Variants in ERCC6L2 observed in about 807,000 individuals in gnomAD.
ERCC6L2 encodes ERCC excision repair 6 like 2.
Under a neutral mutation model 132.0 loss-of-function variants are expected in ERCC6L2, and 77 were observed. The observed-to-expected ratio is 0.58, with a 90% CI of 0.49 to 0.71. The LOEUF (loss-of-function observed/expected upper bound fraction) is 0.71. Among genes scored for constraint, ERCC6L2 ranks in the 30% least tolerant of loss-of-function variants. The probability of loss-of-function intolerance (pLI) is 0.00; values close to 1 mark genes in which losing one functional copy is unlikely to be tolerated. For synonymous variants in ERCC6L2, 583 were observed against 632.4 expected, an observed-to-expected ratio of 0.92 and a Z score of 1.17; for missense variants, 1,542 against 1,837.6, an observed-to-expected ratio of 0.84 and a Z score of 2.94.
intron 3 of ERCC6L2, among the ~76,000 whole-genome samples, chr9:95,903,761 G>A (rs1335597915): frequency 1.3e-5 from 2 of 151,942 alleles, no homozygotes; most frequent in African/African-American, 4.8e-5. Flanking sequence ...GTTTCACATG[G>A]GAAGAAGTGT....
chr9:95,925,227 C>G (rs567843946), intron 9 of ERCC6L2, among the ~76,000 whole-genome samples: 1 of 152,288 alleles, frequency 6.6e-6, no homozygotes, highest in African/African-American at 2.4e-5. Context: ...CCTCAACTAT[C>G]ATTCAAGGGG....
chr9:96,035,399 A>G (rs1327477758), intron 19 of ERCC6L2, among the ~76,000 whole-genome samples: 2 of 152,202 alleles, frequency 1.3e-5, no homozygotes, highest in Non-Finnish European at 2.9e-5. Flanking sequence ...GAGGGCCATG[A>G]AAGCCTGGTG....
downstream of ERCC6L2, among the ~76,000 whole-genome samples, chr9:96,022,382 C>T (rs1023787466): frequency 6.6e-6 from 1 of 152,168 alleles, no homozygotes; most frequent in Non-Finnish European, 1.5e-5. Flanking sequence ...GGTATGAAGC[C>T]CGTATTGTGT....
chr9:96,013,070 C>T lies in ERCC6L2; in HGVS notation c.4520C>T (p.Pro1507Leu), dbSNP rs747942781. Reference protein sequence around the residue: ...AVIETLCEKAPLAAPFKRREE... With the variant: ...AVIETLCEKALLAAPFKRREE... ...ATAGAGACTCTGTGTGAAAAAGCACCTCTAGCAGCACCCTTTAAAAGGAGA... is the reference window on the plus strand; with the variant it reads ...ATAGAGACTCTGTGTGAAAAAGCACTTCTAGCAGCACCCTTTAAAAGGAGA... The change falls in exon 19 of 19, where the codon CCT becomes CTT. Residue 1507 changes from proline (P) to leucine (L), a missense_variant. Transcript: ENST00000653738. The T allele has an allele frequency of 2.2e-6, 3 of 1,367,508 alleles. No homozygotes were observed. The highest frequency in any genetic ancestry group is 1.9e-5 in the Admixed American group (1 of 52,562). The allele number at this position is 1,367,508 out of a possible 1,614,324, so 84.7% of individuals were successfully genotyped here. A position where few individuals can be genotyped will look rare whatever the true frequency, so the allele number is the denominator to read the frequency against.
At chr9:96,024,842 A>T (rs1328276040) in intron 19 of ERCC6L2, among the ~76,000 whole-genome samples, 1 of 152,144 alleles carries the variant, frequency 6.6e-6, no homozygotes, top group East Asian at 1.9e-4. Context: ...CCTATATTTG[A>T]GACTCCTAAC....
downstream of ERCC6L2, among the ~76,000 whole-genome samples, chr9:96,018,667 G>T (rs911214639): frequency 6.7e-6 from 1 of 148,726 alleles, no homozygotes; most frequent in Non-Finnish European, 1.5e-5. Context: ...ACAGGGTTTC[G>T]CCATGTTGCC....
chr9:95,972,193 C>T lies in ERCC6L2; in HGVS notation c.2442C>T (p.Ala814=), dbSNP rs1832446014. The T allele has an allele frequency of 7.7e-7, 1 of 1,304,078 alleles. No homozygotes were observed. The highest frequency in any genetic ancestry group is 1.5e-5 in the African/African-American group (1 of 65,844). 80.8% of individuals were successfully genotyped at this position (1,304,078 alleles called of 1,614,324 possible). ...KAVEDSDGNT[A]SDDESSDEQP... is the part of the protein sequence containing the mutation. ...TTGAGGATAGTGATGGAAATACTGC[C>T]TCTGATGATGAAAGTTCTGATGAGC... The change falls in exon 16 of 19, where the codon GCC becomes GCT. Residue 814 remains alanine (A), a synonymous_variant. Transcript: ENST00000653738.
Position 95,892,597 on chromosome 9 carries a change from A to T in ERCC6L2, c.472-5252A>T, listed in dbSNP as rs143777887. ...GCCACCACACCCAGCTAATTTTTGTATTTTTAGTAGAAGCAGGGTTTCACC... is the reference window on the plus strand; with the variant it reads ...GCCACCACACCCAGCTAATTTTTGTTTTTTTAGTAGAAGCAGGGTTTCACC... On this transcript the variant is annotated intron_variant, in intron 2 of 18. Transcript: ENST00000653738. 4.9e-3 allele frequency among the ~76,000 whole-genome samples: 737 copies of T among 151,786 alleles called. 7 individuals are homozygous for T. Among genetic ancestry groups the T allele is most frequent in the African/African-American group, 0.016 (662 of 41,404 alleles).
rs1248622600 is a variant in ERCC6L2 at position 95,945,910 on chromosome 9, A to G, written c.1847+4361A>G. Among the ~76,000 whole-genome samples the G allele has an allele frequency of 4.5e-4, 68 of 152,198 alleles. 1 individual carries two copies. The highest frequency in any genetic ancestry group is 4.5e-3 in the Admixed American group (68 of 15,278). On this transcript the variant is annotated intron_variant, in intron 12 of 18. Coordinates refer to ENST00000653738, the MANE Select transcript of ERCC6L2 (RefSeq NM_020207.7). Reference sequence around the variant, plus strand: ...GAAACTTTTTTTAGAAAGAAGGAGAAAAGTGGGGCTGGCAGAAAGGAAAAA... The same window carrying G: ...GAAACTTTTTTTAGAAAGAAGGAGAGAAGTGGGGCTGGCAGAAAGGAAAAA...
chr9:96,018,958 G>A (rs1834239083), downstream of ERCC6L2, among the ~76,000 whole-genome samples: 1 of 152,058 alleles, frequency 6.6e-6, no homozygotes, highest in Non-Finnish European at 1.5e-5. Flanking sequence ...TTTTTCGTTA[G>A]CTAAATAGGC....
intron 2 of ERCC6L2, among the ~76,000 whole-genome samples, chr9:95,887,935 T>C (rs367912252): frequency 6.6e-6 from 1 of 152,196 alleles, no homozygotes; most frequent in African/African-American, 2.4e-5. Flanking sequence ...TGAGCCCTTT[T>C]AAGCAGAAAC....
intron 16 of ERCC6L2, among the ~76,000 whole-genome samples, chr9:95,975,226 C>T (rs1440191203): frequency 6.6e-6 from 1 of 152,128 alleles, no homozygotes; most frequent in African/African-American, 2.4e-5. Flanking sequence ...ATTTCATGCT[C>T]CCCATCAGTC....
Position 95,973,190 on chromosome 9 carries a change from A to G in ERCC6L2, c.3337+102A>G, listed in dbSNP as rs187806354. 42 of 774,918 alleles carry G rather than the reference A, an allele frequency of 5.4e-5. No homozygotes were observed. The East Asian group carries it at 1.8e-3, about 34-fold the overall frequency. 48.0% of individuals were successfully genotyped at this position (774,918 alleles called of 1,614,324 possible). A position where few individuals can be genotyped will look rare whatever the true frequency, so the allele number is the denominator to read the frequency against. On this transcript the variant is annotated intron_variant, in intron 16 of 18. Coordinates refer to ENST00000653738, the MANE Select transcript of ERCC6L2 (RefSeq NM_020207.7). ...AACTTGTAAAACAGCCCTAAAATCA[A>G]GATGCTGCATTGAGGCACAAATAAG...
chr9:95,953,427 A>T (rs617884), intron 12 of ERCC6L2, among the ~76,000 whole-genome samples: 89,841 of 151,712 alleles, frequency 0.59, 26,830 homozygotes, highest in East Asian at 0.79. Flanking sequence ...ATACAAAAAA[A>T]TAGCTGGGCG....
At chr9:95,911,310 G>A (rs750999154) in intron 4 of ERCC6L2, among the ~76,000 whole-genome samples, 11 of 152,132 alleles carry the variant, frequency 7.2e-5, no homozygotes, top group Non-Finnish European at 1.3e-4. Flanking sequence ...TTTCTTACCT[G>A]TCTGTCCCCT....
chr9:95,917,645 G>A (rs990946296), intron 6 of ERCC6L2, among the ~76,000 whole-genome samples: 1 of 152,096 alleles, frequency 6.6e-6, no homozygotes, highest in Non-Finnish European at 1.5e-5. Context: ...CTGTCTAGTA[G>A]GAACAGTACA....
Position 96,014,658 on chromosome 9 carries a change from C to T in ERCC6L2, c.*1455C>T, listed in dbSNP as rs2133233326. 6.6e-6 allele frequency: 1 copy of T among 152,334 alleles called. No homozygotes were observed. Among genetic ancestry groups the T allele is most frequent in the Admixed American group, 6.5e-5 (1 of 15,306 alleles). The allele number at this position is 152,334 out of a possible 1,614,324, so 9.4% of individuals were successfully genotyped here. The stretch of plus-strand genomic sequence containing the variant: ...TGTGTGTGTGTTAATCCTCTCACAA[C>T]CCACTGAATTGAATTTCATGGCCCA... On this transcript the variant is annotated 3_prime_UTR_variant, in exon 19 of 19. Coordinates refer to ENST00000653738, the MANE Select transcript of ERCC6L2 (RefSeq NM_020207.7).
intron 17 of ERCC6L2, among the ~76,000 whole-genome samples, chr9:95,988,141 G>C (rs1338912043): frequency 6.6e-6 from 1 of 152,184 alleles, no homozygotes; most frequent in Non-Finnish European, 1.5e-5. Context: ...AAAGGTCTCT[G>C]ACATACCCTG....
chr9:95,907,826 T>TACACACAC (rs373670619), intron 4 of ERCC6L2, among the ~76,000 whole-genome samples: 49 of 40,912 alleles, frequency 1.2e-3, no homozygotes, highest in African/African-American at 3.2e-3. Context: ...GGGCAAAAAC[T>TACACACAC]ACACACACAC....
Sources: gnomAD v4.1 joint callset for allele counts (sites outside exome capture counted in the v4.1 genomes callset) on GRCh38, gnomAD v4.1.1 for gene constraint, MANE v1.5 for transcripts, NCBI Gene and HGNC (gene_info 2026-07-23, HGNC 2026-07-21) for gene names.